Variants in NPAS2 observed in about 807,000 individuals in gnomAD.
NPAS2 encodes the protein neuronal PAS domain protein 2, also known as neuronal PAS domain-containing protein 2.
NPAS2 carries 23 observed loss-of-function variants against 107.5 expected under a neutral mutation model. That is an observed-to-expected ratio of 0.21 (90% CI 0.15 to 0.30). NPAS2 has a LOEUF of 0.30. Among genes scored for constraint, NPAS2 ranks in the 10% least tolerant of loss-of-function variants. The pLI, the probability that NPAS2 is intolerant of heterozygous loss-of-function variation, is 1.00. For synonymous variants in NPAS2, 403 were observed against 417.5 expected (o/e 0.97, Z 0.42); for missense variants, 756 against 1,043.3 (o/e 0.72, Z 3.79).
intron 1 of NPAS2, among the ~76,000 whole-genome samples, chr2:100,885,030 G>T (rs971734442): frequency 3.3e-5 from 5 of 151,594 alleles, no homozygotes; most frequent in Admixed American, 6.6e-5. Context: ...CTCACTGCAA[G>T]CTTCACCTTC....
intron 2 of NPAS2, among the ~76,000 whole-genome samples, chr2:100,919,238 G>GC (rs1266879113): frequency 7.2e-5 from 11 of 152,180 alleles, no homozygotes; most frequent in African/African-American, 2.7e-4. Flanking sequence ...GGAGTGGAGG[G>GC]CATGAGAGTT....
intron 2 of NPAS2, among the ~76,000 whole-genome samples, chr2:100,923,830 A>G (rs1683393437): frequency 1.3e-5 from 2 of 152,228 alleles, no homozygotes; most frequent in Admixed American, 6.5e-5. Flanking sequence ...GTGGCGTGTC[A>G]TTGAAGATGG....
intron 2 of NPAS2, among the ~76,000 whole-genome samples, chr2:100,911,445 A>G (rs1215784028): frequency 6.6e-6 from 1 of 152,168 alleles, no homozygotes; most frequent in Admixed American, 6.5e-5. Context: ...ATTTATTGAG[A>G]CGGAGTTTTG....
intron 14 of NPAS2, chr2:100,977,192 C>CTTA (rs1677073574): frequency 6.1e-6 from 1 of 164,826 alleles, no homozygotes; most frequent in South Asian, 1.7e-4. Flanking sequence ...AGGTTCTGGG[C>CTTA]AGAGGCTGGT....
intron 2 of NPAS2, among the ~76,000 whole-genome samples, chr2:100,924,580 G>A (rs564606176): frequency 6.6e-6 from 1 of 152,342 alleles, no homozygotes; most frequent in South Asian, 2.1e-4. Context: ...GACAGCCATG[G>A]TGCAGTACCT....
At chr2:100,839,762 A>G (rs926947005) in intron 1 of NPAS2, among the ~76,000 whole-genome samples, 13 of 152,016 alleles carry the variant, frequency 8.6e-5, no homozygotes, top group African/African-American at 3.1e-4. Flanking sequence ...CGAATTTTTT[A>G]TGCTTTCATT....
At chr2:100,890,131 AGTGTG>A (rs1680957860) in intron 1 of NPAS2, among the ~76,000 whole-genome samples, 2 of 152,162 alleles carry the variant, frequency 1.3e-5, no homozygotes, top group Non-Finnish European at 2.9e-5. Flanking sequence ...GCCAGATCTT[AGTGTG>A]ACACACCAGG....
At chr2:100,942,369 C>CCCACCCCACCCTGCCCTCA (rs1420346242) in intron 5 of NPAS2, among the ~76,000 whole-genome samples, 1 of 145,102 alleles carries the variant, frequency 6.9e-6, no homozygotes, top group Non-Finnish European at 1.5e-5. Context: ...CTCTGCCCTT[C>CCCACCCCACCCTGCCCTCA]CCACCCCACC....
chr2:100,821,290 G>A (rs1259809603), intron 1 of NPAS2: 3 of 1,101,392 alleles, frequency 2.7e-6, no homozygotes, highest in African/African-American at 1.6e-5. Context: ...ATATACGCAC[G>A]CACTTCCACA....
In NPAS2 at chr2:100,965,636, C is replaced by T. The variant is rs765754260; in HGVS notation, c.801-24C>T. ...CTGCAGGGTGTCTCCTCCCTGATGA[C>T]AAGTCCTCCTTGTCCTTGTGCAGAG... On this transcript the variant is annotated intron_variant, in intron 9 of 20. Transcript: ENST00000335681. This position sits in a 1 kb window ranked among gnomAD's most constrained non-coding sequence, Gnocchi z 4.3. The T allele has an allele frequency of 2.6e-6, 4 of 1,554,282 alleles. No individual in the cohort carries two copies. Among genetic ancestry groups the T allele is most frequent in the African/African-American group, 1.4e-5 (1 of 73,622 alleles).
rs55876318 is a variant in NPAS2, at chr2:100,942,636, C to A, written c.363+4794C>A. ...TACATGCAGCTGTCACTGAGGTGAG[C>A]AAATAGAACATGGCTGGGACCACAG... On this transcript the variant is annotated intron_variant, in intron 5 of 20. Transcript: ENST00000335681. Among the ~76,000 whole-genome samples the A allele has an allele frequency of 5.5e-3, 834 of 152,162 alleles. 3 individuals carry two copies. The highest frequency in any genetic ancestry group is 0.019 in the African/African-American group (777 of 41,520).
At chr2:100,963,957 C>G (rs1676064072) in intron 7 of NPAS2, 101 bp from the exon 8 acceptor site, 1 of 720,154 alleles carries the variant, frequency 1.4e-6, no homozygotes, top group East Asian at 2.5e-5. Context: ...CTACATAAAC[C>G]CTGGGGGCAG....
At chr2:100,819,952 T>C (rs1408688063), upstream of NPAS2, among the ~76,000 whole-genome samples, 1 of 151,596 alleles carries the variant, frequency 6.6e-6, no homozygotes, top group Non-Finnish European at 1.5e-5. This position sits in a 1 kb window ranked among gnomAD's most constrained non-coding sequence, Gnocchi z 5.8. Flanking sequence ...CGGGGGTCCG[T>C]CTGCCTGCGG....
At chr2:100,847,463 G>A (rs1459722095) in intron 1 of NPAS2, among the ~76,000 whole-genome samples, 2 of 151,934 alleles carry the variant, frequency 1.3e-5, no homozygotes, top group Admixed American at 6.6e-5. Context: ...TCCGCCTCCC[G>A]GGTTCACACC....
chr2:100,896,894 G>GC (rs1681444228), intron 1 of NPAS2, among the ~76,000 whole-genome samples: 1 of 152,092 alleles, frequency 6.6e-6, no homozygotes, highest in Non-Finnish European at 1.5e-5. Context: ...TGGGTAAGGA[G>GC]CTTGTATTAG....
At chr2:100,890,477 G>A (rs1182694064) in intron 1 of NPAS2, among the ~76,000 whole-genome samples, 2 of 152,118 alleles carry the variant, frequency 1.3e-5, no homozygotes, top group African/African-American at 4.8e-5. Context: ...GGCAAGGAGA[G>A]GTGCAGGTGC....
At position 100,974,801 on chromosome 2, in the gene NPAS2, A is replaced by T; in HGVS notation, c.1141-2A>T. The T allele has an allele frequency of 1.2e-6, 2 of 1,613,402 alleles. No individual in the cohort carries two copies. The highest frequency in any genetic ancestry group is 1.7e-6 in the Non-Finnish European group (2 of 1,179,642). On this transcript the variant is annotated splice_acceptor_variant, in intron 12 of 20. Transcript: ENST00000335681. LOFTEE classifies it high-confidence loss of function. ...GAGGACTGTTTGATGTGTGTGTTTC[A>T]GGACAAGGGCTCAAGCCTGGAACCT...
In NPAS2 at chr2:100,996,827, A is replaced by G. The variant is rs1355925094; in HGVS notation, c.*1245A>G. The G allele has an allele frequency of 3.9e-5, 6 of 152,328 alleles. No individual in the cohort carries two copies. The South Asian group carries it at 1.2e-3, about 32-fold the overall frequency. 9.4% of individuals were successfully genotyped at this position (152,328 alleles called of 1,614,324 possible). On this transcript the variant is annotated 3_prime_UTR_variant, in exon 21 of 21. Transcript: ENST00000335681. ...TGTAATAAATTAACAAATTTGTACA[A>G]TTTCCTCTGTCCCTTGTTATACATC...
At chr2:100,970,226 G>A (rs1676459131) in intron 11 of NPAS2, among the ~76,000 whole-genome samples, 1 of 152,166 alleles carries the variant, frequency 6.6e-6, no homozygotes, top group Non-Finnish European at 1.5e-5. Flanking sequence ...AGGGAAGGCT[G>A]GGCAGCACTC....
Sources: allele counts gnomAD v4.1 joint callset (sites outside exome capture counted in the v4.1 genomes callset), GRCh38; gene constraint gnomAD v4.1.1; non-coding constraint Gnocchi (gnomAD v3.1); transcripts MANE v1.5; gene names NCBI Gene and HGNC (gene_info 2026-07-23, HGNC 2026-07-21).